Variants in KCNIP4 observed in about 807,000 individuals in gnomAD.
KCNIP4 encodes Kv channel-interacting protein 4.
In KCNIP4, 12 loss-of-function variants were observed where a neutral mutation model predicts 34.0. The observed-to-expected ratio is 0.35, with a 90% CI of 0.23 to 0.57. KCNIP4 has a LOEUF of 0.57. Among genes scored for constraint, KCNIP4 ranks in the 20% least tolerant of loss-of-function variants. KCNIP4 has a pLI of 0.83. For missense variants in KCNIP4, 238 were observed against 311.7 expected, an observed-to-expected ratio of 0.76 and a Z score of 1.78; for synonymous variants, 124 against 102.2, an observed-to-expected ratio of 1.21 and a Z score of -1.29.
At chr4:20,869,206 AT>A (rs1412537027) in intron 2 of KCNIP4, among the ~76,000 whole-genome samples, 1 of 152,052 alleles carries the variant, frequency 6.6e-6, no homozygotes, top group Non-Finnish European at 1.5e-5. Flanking sequence ...TGACAAAAGT[AT>A]TCTGCACTAA....
chr4:21,098,345 A>C (rs1018809550), intron 1 of KCNIP4, among the ~76,000 whole-genome samples: 1 of 152,232 alleles, frequency 6.6e-6, no homozygotes, highest in Non-Finnish European at 1.5e-5. Flanking sequence ...TATTGGAAGA[A>C]AATGTTATCT....
chr4:21,302,663 A>G (rs1389794664), intron 1 of KCNIP4, among the ~76,000 whole-genome samples: 1 of 152,198 alleles, frequency 6.6e-6, no homozygotes, highest in African/African-American at 2.4e-5. Flanking sequence ...TTATTTTAAA[A>G]TTAAATAAAC....
intron 1 of KCNIP4, among the ~76,000 whole-genome samples, chr4:21,857,031 A>T (rs572127585): frequency 6.6e-6 from 1 of 152,264 alleles, no homozygotes; most frequent in South Asian, 2.1e-4. Context: ...GGCAGGAGGC[A>T]GATAGGCTCC....
chr4:21,798,280 G>C (rs1720750705), intron 1 of KCNIP4, among the ~76,000 whole-genome samples: 1 of 151,360 alleles, frequency 6.6e-6, no homozygotes, highest in Non-Finnish European at 1.5e-5. Flanking sequence ...GGATGGGCGT[G>C]GTGGTTCACG....
At chr4:21,822,131 C>T (rs1027077950) in intron 1 of KCNIP4, among the ~76,000 whole-genome samples, 10 of 152,160 alleles carry the variant, frequency 6.6e-5, no homozygotes, top group Non-Finnish European at 8.8e-5. Context: ...TACCTGGCAT[C>T]CTAGCATGTG....
intron 1 of KCNIP4, chr4:21,849,371 T>C (rs1351214318): frequency 6.6e-6 from 1 of 152,138 alleles, no homozygotes; most frequent in African/African-American, 2.4e-5. Context: ...TGGCTTTTTT[T>C]CTAATCTAAT....
chr4:20,732,572 A>G (rs1043142229), intron 7 of KCNIP4, 109 bp downstream of exon 7: 14 of 722,624 alleles, frequency 1.9e-5, no homozygotes, highest in African/African-American at 1.6e-4. Context: ...GTTTTGTTTC[A>G]GTAAAAATTA....
intron 1 of KCNIP4, among the ~76,000 whole-genome samples, chr4:21,201,974 A>G (rs1560170081): frequency 6.6e-6 from 1 of 152,222 alleles, no homozygotes; most frequent in Admixed American, 6.5e-5. Context: ...ACTTCATTTT[A>G]GAAACATGAT....
chr4:21,880,192 C>T (rs755388047), intron 1 of KCNIP4, among the ~76,000 whole-genome samples: 27 of 152,102 alleles, frequency 1.8e-4, no homozygotes, highest in Non-Finnish European at 2.6e-4. Flanking sequence ...AAGCATTCTC[C>T]GAAATAACTG....
At chr4:20,802,250 A>G (rs1258901472) in intron 3 of KCNIP4, among the ~76,000 whole-genome samples, 3 of 147,494 alleles carry the variant, frequency 2.0e-5, no homozygotes, top group Admixed American at 1.4e-4. Flanking sequence ...TGCTATATAT[A>G]TGCTACATAT....
chr4:20,849,391 T>C (rs1240582067), intron 3 of KCNIP4, among the ~76,000 whole-genome samples: 1 of 152,130 alleles, frequency 6.6e-6, no homozygotes, highest in Non-Finnish European at 1.5e-5. Context: ...TGGTGGAAAC[T>C]TGTGTGCAAT....
intron 1 of KCNIP4, among the ~76,000 whole-genome samples, chr4:21,157,572 C>T (rs1307082742): frequency 1.3e-5 from 2 of 151,662 alleles, no homozygotes; most frequent in East Asian, 1.9e-4. Flanking sequence ...CCTACAATTG[C>T]CCAAGCAATT....
chr4:20,812,863 A>C (rs1196127227), intron 3 of KCNIP4, among the ~76,000 whole-genome samples: 1 of 152,098 alleles, frequency 6.6e-6, no homozygotes, highest in Non-Finnish European at 1.5e-5. Context: ...AAGAAATCTG[A>C]GTCTAATGAT....
intron 1 of KCNIP4, among the ~76,000 whole-genome samples, chr4:21,700,957 G>A (rs1367500033): frequency 6.6e-6 from 1 of 152,044 alleles, no homozygotes; most frequent in African/African-American, 2.4e-5. Context: ...GCATTTCCAT[G>A]TTCATTTCAT....
At chr4:21,586,615 A>G (rs909519574) in intron 1 of KCNIP4, among the ~76,000 whole-genome samples, 1 of 152,112 alleles carries the variant, frequency 6.6e-6, no homozygotes, top group African/African-American at 2.4e-5. Context: ...TTTGATACTA[A>G]TCAATTTATT....
intron 4 of KCNIP4, among the ~76,000 whole-genome samples, chr4:20,751,265 T>A (rs1753568647): frequency 6.6e-6 from 1 of 152,220 alleles, no homozygotes; most frequent in Admixed American, 6.5e-5. Context: ...CTAAATAACA[T>A]GTAACACTGT....
At chr4:20,857,978 G>A (rs745646003) in intron 2 of KCNIP4, among the ~76,000 whole-genome samples, 3 of 151,926 alleles carry the variant, frequency 2.0e-5, no homozygotes, top group Non-Finnish European at 2.9e-5. Context: ...AGAGGCCGAC[G>A]TGGGTGGATC....
chr4:21,703,017 C>T (rs4697234), intron 1 of KCNIP4, among the ~76,000 whole-genome samples: 104,846 of 151,602 alleles, frequency 0.69, 38,126 homozygotes, highest in African/African-American at 0.91. Context: ...ATTATATTCA[C>T]TGATGCAAAA....
intron 2 of KCNIP4, among the ~76,000 whole-genome samples, chr4:20,869,170 G>A (rs763104673): frequency 3.3e-5 from 5 of 151,938 alleles, no homozygotes; most frequent in Non-Finnish European, 7.4e-5. Flanking sequence ...TATATTAGGG[G>A]GATGATTTGC....
Sources: gnomAD v4.1 joint callset for allele counts (sites outside exome capture counted in the v4.1 genomes callset) on GRCh38, gnomAD v4.1.1 for gene constraint, MANE v1.5 for transcripts, NCBI Gene and HGNC (gene_info 2026-07-23, HGNC 2026-07-21) for gene names.